KIFAP3: variants seen among roughly 807,000 people sequenced by gnomAD.
KIFAP3 encodes the protein kinesin-associated protein 3.
In KIFAP3, 68 loss-of-function variants were observed where a neutral mutation model predicts 106.5. That is an observed-to-expected ratio of 0.64 (90% CI 0.53 to 0.78). The LOEUF is 0.78. Ranked by LOEUF, KIFAP3 falls within the 30% of genes least tolerant of loss-of-function variation. KIFAP3 has a pLI of 0.00. For synonymous variants in KIFAP3, 320 were observed against 311.5 expected, an observed-to-expected ratio of 1.03 and a Z score of -0.29; for missense variants, 780 against 941.8, an observed-to-expected ratio of 0.83 and a Z score of 2.25.
intron 9 of KIFAP3, among the ~76,000 whole-genome samples, chr1:170,021,874 C>A (rs931069189): frequency 5.3e-5 from 8 of 151,410 alleles, no homozygotes; most frequent in African/African-American, 1.7e-4. Flanking sequence ...AAAACCCAAA[C>A]CTGAGAGCTA....
chr1:169,992,122 A>C, intron 11 of KIFAP3, 33 bp downstream of exon 11: 1 of 1,051,484 alleles, frequency 9.5e-7, no homozygotes, highest in Non-Finnish European at 1.3e-6. Flanking sequence ...TATATTTGTT[A>C]AATGTTTTTC....
intron 16 of KIFAP3, 63 bp from the exon 17 acceptor site, chr1:169,972,661 A>G: frequency 1.3e-6 from 1 of 744,312 alleles, no homozygotes; most frequent in Admixed American, 3.0e-5. Context: ...ATAATACTAC[A>G]AAAATCTCAT....
At chr1:169,931,508 T>C (rs1375330431) in intron 19 of KIFAP3, among the ~76,000 whole-genome samples, 1 of 152,214 alleles carries the variant, frequency 6.6e-6, no homozygotes, top group African/African-American at 2.4e-5. Flanking sequence ...TGCCATCTAG[T>C]CATCTTTAAC....
intron 10 of KIFAP3, among the ~76,000 whole-genome samples, chr1:169,993,776 T>C (rs959800013): frequency 1.3e-5 from 2 of 152,306 alleles, no homozygotes; most frequent in South Asian, 2.1e-4. Flanking sequence ...TCCCAGGTAC[T>C]AGGAAGGTTG....
At chr1:170,079,584 G>A (rs570065228), upstream of KIFAP3, among the ~76,000 whole-genome samples, 3 of 152,124 alleles carry the variant, frequency 2.0e-5, no homozygotes, top group East Asian at 5.8e-4. Context: ...ATACTTATAT[G>A]GGTTTACTTC....
At chr1:170,084,599 T>A (rs1194541487) in intron 1 of KIFAP3, among the ~76,000 whole-genome samples, 2 of 152,146 alleles carry the variant, frequency 1.3e-5, no homozygotes, top group African/African-American at 2.4e-5. Context: ...AAAAGCTGAA[T>A]AAAATTTTGC....
At chr1:169,994,309 T>G (rs1667266367) in intron 10 of KIFAP3, among the ~76,000 whole-genome samples, 1 of 152,182 alleles carries the variant, frequency 6.6e-6, no homozygotes, top group African/African-American at 2.4e-5. Flanking sequence ...AATACTACTC[T>G]CAAACATTTT....
intron 17 of KIFAP3, among the ~76,000 whole-genome samples, chr1:169,962,390 C>T (rs536324343): frequency 4.6e-5 from 7 of 152,236 alleles, no homozygotes; most frequent in East Asian, 3.9e-4. Context: ...TAGGTTGCAG[C>T]TACTACTGAG....
Position 169,971,240 on chromosome 1 carries a change from G to A in KIFAP3, c.1983+1273C>T, listed in dbSNP as rs75366607. Reference sequence around the variant, plus strand: ...AGACTGACAACTCCCTCCTTTCCTCGTTGCTTCAAGTAAGATAATCACATA... The same window carrying A: ...AGACTGACAACTCCCTCCTTTCCTCATTGCTTCAAGTAAGATAATCACATA... On this transcript the variant is annotated intron_variant, in intron 17 of 19. Transcript: ENST00000361580. 7.6e-3 allele frequency among the ~76,000 whole-genome samples: 1,148 copies of A among 151,880 alleles called. 20 individuals are homozygous for A. Among genetic ancestry groups the A allele is most frequent in the African/African-American group, 0.025 (1,056 of 41,446 alleles).
At chr1:170,056,066 C>T (rs1238697142) in intron 1 of KIFAP3, among the ~76,000 whole-genome samples, 4 of 151,758 alleles carry the variant, frequency 2.6e-5, no homozygotes, top group Admixed American at 2.6e-4. Flanking sequence ...TCTGATGGTG[C>T]CACTGCACTA....
chr1:169,946,384 G>A lies in KIFAP3; in HGVS notation c.2273+7627C>T, dbSNP rs1664440608. ...TGTCAAATGTATTAAATCAAACTGGGTAAACAGTATGTCATGTTGCACAAC... is the reference window on the plus strand; with the variant it reads ...TGTCAAATGTATTAAATCAAACTGGATAAACAGTATGTCATGTTGCACAAC... On this transcript the variant is annotated intron_variant, in intron 19 of 19. Coordinates refer to ENST00000361580, the MANE Select transcript of KIFAP3 (RefSeq NM_014970.4). 2.6e-5 allele frequency among the ~76,000 whole-genome samples: 4 copies of A among 151,922 alleles called. No homozygotes were observed. In the South Asian group the frequency reaches 8.3e-4, roughly 31 times the overall value.
chr1:169,961,156 T>G lies in KIFAP3; in HGVS notation c.2063A>C (p.Glu688Ala). Residue 688 changes from glutamate (E) to alanine (A), a missense_variant, in exon 18 of 20, where the codon GAG (glutamate) becomes GCG (alanine). Glu to Ala is a moderately radical substitution (Grantham distance 107, BLOSUM62 -1). This residue lies in a region of KIFAP3 where 78 missense variants were observed against 140.6 expected (regional missense o/e 0.55). Coordinates refer to ENST00000361580, the MANE Select transcript of KIFAP3 (RefSeq NM_014970.4). ...WHNSQWLEMV[E>A]SRQMDESEQY... Reference sequence around the variant, plus strand: ...CTCACTCTCATCCATCTGACGACTCTCTACCATCTCCAGCCACTGAGAGTT... The same window carrying G: ...CTCACTCTCATCCATCTGACGACTCGCTACCATCTCCAGCCACTGAGAGTT... 1 of 1,613,752 alleles carries G rather than the reference T, an allele frequency of 6.2e-7. No homozygotes were observed. Among genetic ancestry groups the G allele is most frequent in the Non-Finnish European group, 8.5e-7 (1 of 1,179,750 alleles).
At chr1:170,014,434 T>C (rs935591085) in intron 10 of KIFAP3, among the ~76,000 whole-genome samples, 1 of 152,226 alleles carries the variant, frequency 6.6e-6, no homozygotes, top group African/African-American at 2.4e-5. Context: ...GTAATGTTTA[T>C]TGCTTTATCT....
chr1:170,063,570 T>C (rs1190973836), intron 1 of KIFAP3, among the ~76,000 whole-genome samples: 3 of 152,308 alleles, frequency 2.0e-5, no homozygotes, highest in African/African-American at 7.2e-5. Flanking sequence ...TGGCTAGCCC[T>C]GCAATTATTA....
intron 8 of KIFAP3, among the ~76,000 whole-genome samples, chr1:170,029,096 T>A (rs902611161): frequency 1.3e-5 from 2 of 151,962 alleles, no homozygotes; most frequent in Non-Finnish European, 2.9e-5. Flanking sequence ...TAGATTAACA[T>A]AAGAAAAGGT....
chr1:169,982,770 T>G lies in KIFAP3; in HGVS notation c.1604A>C (p.Asp535Ala). ...LGTLANLTIP[D>A]LDWELVLKEY... is the part of the protein sequence containing the mutation. ...TTTAAGAACCAATTCCCAGTCTAAG[T>G]CTGGAATGGTCAAGTTTGCAAGAGT... Residue 535 changes from aspartate to alanine, a missense_variant, in exon 14 of 20, where the codon GAC becomes GCC. By Grantham distance (126) the Asp-to-Ala change is moderately radical (BLOSUM62 -2). This residue lies in a region of KIFAP3 where 588 missense variants were observed against 678.9 expected (regional missense o/e 0.87). Coordinates refer to ENST00000361580, the MANE Select transcript of KIFAP3 (RefSeq NM_014970.4). 1 of 1,609,882 alleles carries G rather than the reference T, an allele frequency of 6.2e-7. No homozygotes were observed. The highest frequency in any genetic ancestry group is 8.5e-7 in the Non-Finnish European group (1 of 1,177,126).
At chr1:170,058,891 G>A (rs1206854639) in intron 1 of KIFAP3, among the ~76,000 whole-genome samples, 5 of 151,844 alleles carry the variant, frequency 3.3e-5, no homozygotes, top group East Asian at 1.9e-4. Context: ...ATATGAAAAC[G>A]TCTCAGGTTA....
Position 170,051,810 on chromosome 1 carries a change from C to T in KIFAP3, c.164+3495G>A, listed in dbSNP as rs541111327. Among the ~76,000 whole-genome samples, 4 of 152,216 alleles carry T rather than the reference C, an allele frequency of 2.6e-5. No individual in the cohort carries two copies. In the South Asian group the frequency reaches 8.3e-4, roughly 32 times the overall value. ...TTTGAAACCAATGAGAACAAAGAGA[C>T]AACATACCAGAATCTCTGGGACACA... On this transcript the variant is annotated intron_variant, in intron 2 of 19. Transcript: ENST00000361580.
At chr1:170,061,234 A>C (rs1296001515) in intron 1 of KIFAP3, among the ~76,000 whole-genome samples, 1 of 152,174 alleles carries the variant, frequency 6.6e-6, no homozygotes, top group Non-Finnish European at 1.5e-5. Context: ...CAACCTACAG[A>C]ATGGGAGAAA....
Sources: allele counts gnomAD v4.1 joint callset (sites outside exome capture counted in the v4.1 genomes callset), GRCh38; gene constraint gnomAD v4.1.1; regional missense constraint gnomAD v4.1.1; transcripts MANE v1.5; gene names NCBI Gene and HGNC (gene_info 2026-07-23, HGNC 2026-07-21).